SBNO1: variants seen among roughly 807,000 people sequenced by gnomAD.
SBNO1 encodes the protein protein strawberry notch homolog 1.
A neutral mutation model predicts 173.6 loss-of-function variants in SBNO1; 23 were observed. That is an observed-to-expected ratio of 0.13 (90% confidence interval 0.10 to 0.19). SBNO1 has a LOEUF of 0.19. Among genes scored for constraint, SBNO1 ranks in the 10% least tolerant of loss-of-function variants. The pLI, the probability that SBNO1 is intolerant of heterozygous loss-of-function variation, is 1.00. For missense variants in SBNO1, 1,238 were observed against 1,671.2 expected, an observed-to-expected ratio of 0.74 and a Z score of 4.52; for synonymous variants, 632 against 571.5, an observed-to-expected ratio of 1.11 and a Z score of -1.51.
intron 1 of SBNO1, among the ~76,000 whole-genome samples, chr12:123,358,012 C>A (rs1311000238): frequency 6.6e-6 from 1 of 152,190 alleles, no homozygotes; most frequent in East Asian, 1.9e-4. Flanking sequence ...TTGATTCTCA[C>A]TACAGGCTGA....
intron 1 of SBNO1, among the ~76,000 whole-genome samples, chr12:123,361,721 A>G (rs1393660086): frequency 4.9e-5 from 5 of 102,192 alleles, no homozygotes; most frequent in Non-Finnish European, 1.0e-4. Context: ...TGACAGAGCA[A>G]GACAGTCTAA....
intron 1 of SBNO1, among the ~76,000 whole-genome samples, chr12:123,352,697 A>T (rs1027853686): frequency 2.3e-4 from 35 of 152,226 alleles, no homozygotes; most frequent in African/African-American, 8.2e-4. Context: ...ATTTAGACAG[A>T]TGTTCTAATG....
At chr12:123,359,577 T>C (rs1377063590) in intron 1 of SBNO1, among the ~76,000 whole-genome samples, 1 of 150,820 alleles carries the variant, frequency 6.6e-6, no homozygotes, top group African/African-American at 2.4e-5. Context: ...AAGATATATA[T>C]ATAGTTGTAT....
chr12:123,299,312 G>C (rs931159751), intron 30 of SBNO1, among the ~76,000 whole-genome samples: 6 of 151,394 alleles, frequency 4.0e-5, no homozygotes, highest in Non-Finnish European at 7.4e-5. Context: ...AGCTTGCAGT[G>C]AGCCGAGATC....
intron 14 of SBNO1, among the ~76,000 whole-genome samples, 173 bp downstream of exon 14, chr12:123,325,979 G>T (rs1870567587): frequency 6.6e-6 from 1 of 152,142 alleles, no homozygotes; most frequent in Non-Finnish European, 1.5e-5. Context: ...ATACTTTTCT[G>T]AACTCTCTAA....
chr12:123,302,829 A>G lies in SBNO1; in HGVS notation c.3840T>C (p.Ala1280=), dbSNP rs1421258220. The G allele has an allele frequency of 1.2e-6, 2 of 1,612,044 alleles. No homozygotes were observed. The highest frequency in any genetic ancestry group is 1.3e-5 in the African/African-American group (1 of 74,894). ...GGAAACACGAAAATACTAACCAATA[A>G]GCATGAGTACAAGTATCTGCAGATG... The part of the protein sequence containing the change: ...YNSSADTCTH[A]YWRGNCKKAS... Residue 1280 remains alanine, a synonymous_variant, in exon 30 of 32, where the codon GCT becomes GCC. Coordinates refer to ENST00000602398, the MANE Select transcript of SBNO1 (RefSeq NM_001167856.3).
At chr12:123,310,094 A>G (rs1217139898) in intron 25 of SBNO1, among the ~76,000 whole-genome samples, 3 of 152,214 alleles carry the variant, frequency 2.0e-5, no homozygotes, top group Non-Finnish European at 4.4e-5. Flanking sequence ...TCACTTATGG[A>G]AAGTATGAAC....
chr12:123,311,720 C>CTATCTATCTATCTATCTATCTATATA (rs1224940028), intron 24 of SBNO1, among the ~76,000 whole-genome samples: 1 of 127,434 alleles, frequency 7.8e-6, no homozygotes, highest in Non-Finnish European at 1.6e-5. Context: ...ATCTATCTAT[C>CTATCTATCTATCTATCTATCTATATA]TATATATATA....
At chr12:123,345,604 A>C in intron 3 of SBNO1, 34 bp from the exon 4 acceptor site, 1 of 1,568,330 alleles carries the variant, frequency 6.4e-7, no homozygotes. Flanking sequence ...CCACTGAAAA[A>C]TGCTTCATTC....
chr12:123,304,559 A>G, intron 29 of SBNO1, 23 bp downstream of exon 29: 1 of 1,467,132 alleles, frequency 6.8e-7, no homozygotes, highest in Non-Finnish European at 9.5e-7. Context: ...CCTATATAAT[A>G]TAATGTACAA....
At chr12:123,342,459 A>C (rs1345764209) in intron 4 of SBNO1, among the ~76,000 whole-genome samples, 1 of 152,122 alleles carries the variant, frequency 6.6e-6, no homozygotes, top group Non-Finnish European at 1.5e-5. Context: ...AAAAGAAAAA[A>C]AACAAAAAAA....
At chr12:123,348,948 A>C (rs1407133487) in intron 2 of SBNO1, 1 of 148,064 alleles carries the variant, frequency 6.8e-6, no homozygotes, top group African/African-American at 2.5e-5. Context: ...TGACAGAGTG[A>C]GACTCTGTCT....
At chr12:123,347,946 T>C in intron 3 of SBNO1, 83 bp downstream of exon 3, 1 of 759,654 alleles carries the variant, frequency 1.3e-6, no homozygotes, top group Non-Finnish European at 2.2e-6. Flanking sequence ...AGACTACAGG[T>C]GCGAATCACC....
chr12:123,356,250 T>C (rs973703983), intron 1 of SBNO1, among the ~76,000 whole-genome samples: 12 of 152,226 alleles, frequency 7.9e-5, no homozygotes, highest in African/African-American at 2.4e-4. Flanking sequence ...AGGATTACTG[T>C]GTGAAGTAAA....
At chr12:123,336,687 T>A (rs7486223) in intron 5 of SBNO1, among the ~76,000 whole-genome samples, 196 bp from the exon 6 acceptor site, 145,048 of 152,262 alleles carry the variant, frequency 0.95, 69,215 homozygotes, top group Non-Finnish European at 0.96. Context: ...GACAATGAGG[T>A]CCTACTCTGT....
At position 123,320,879 on chromosome 12, in the gene SBNO1, G is replaced by A. The variant is rs199992860; in HGVS notation, c.2324-13C>T. On this transcript the variant is annotated splice_polypyrimidine_tract_variant and intron_variant, in intron 17 of 31. Coordinates refer to ENST00000602398, the MANE Select transcript of SBNO1 (RefSeq NM_001167856.3). ...ATTAACCAGGGATCTGAGTGTTAAG[G>A]AAAGATACATGTCAAATCATTTGTT... is the stretch of plus-strand genomic sequence containing the variant. 8.7e-5 allele frequency: 134 copies of A among 1,531,894 alleles called. No homozygotes were observed. The African/African-American group carries it at 1.7e-3, about 20-fold the overall frequency. The allele number at this position is 1,531,894 out of a possible 1,614,324, so 94.9% of individuals were successfully genotyped here. A position where few individuals can be genotyped will look rare whatever the true frequency, so the allele number is the denominator to read the frequency against.
At chr12:123,322,273 C>T (rs992058510) in intron 16 of SBNO1, among the ~76,000 whole-genome samples, 3 of 151,964 alleles carry the variant, frequency 2.0e-5, no homozygotes, top group African/African-American at 7.3e-5. Context: ...CCTGGGACTA[C>T]AGGCACATGC....
At chr12:123,350,947 C>A (rs1448042350) in intron 1 of SBNO1, among the ~76,000 whole-genome samples, 2 of 152,088 alleles carry the variant, frequency 1.3e-5, no homozygotes, top group Non-Finnish European at 2.9e-5. Flanking sequence ...AATGGTGAAA[C>A]CTTGCCTCTA....
intron 1 of SBNO1, among the ~76,000 whole-genome samples, chr12:123,360,563 G>A (rs1875024215): frequency 6.6e-6 from 1 of 151,864 alleles, no homozygotes; most frequent in South Asian, 2.1e-4. Context: ...TCCTGCCTAA[G>A]CCTCCAGAGT....
Sources: allele counts gnomAD v4.1 joint callset (sites outside exome capture counted in the v4.1 genomes callset), GRCh38; gene constraint gnomAD v4.1.1; transcripts MANE v1.5; gene names NCBI Gene and HGNC (gene_info 2026-07-23, HGNC 2026-07-21).